Variants in MAP1S observed in about 807,000 individuals in gnomAD.
The protein encoded by MAP1S is microtubule associated protein 1S, also known as microtubule-associated protein 1S.
Under a neutral mutation model 60.9 loss-of-function variants are expected in MAP1S, and 27 were observed. The observed-to-expected ratio is 0.44, with a 90% CI of 0.33 to 0.61. The LOEUF (loss-of-function observed/expected upper bound fraction) is 0.61. MAP1S is among the 20% of genes least tolerant of loss of function. The probability of loss-of-function intolerance (pLI) is 0.03; values close to 1 mark genes in which losing one functional copy is unlikely to be tolerated. For missense variants in MAP1S, 1,608 were observed against 1,486.6 expected (o/e 1.08, Z -1.34); for synonymous variants, 826 against 694.2 (o/e 1.19, Z -2.98).
chr19:17,732,420 C>CT (rs2080500829), intron 5 of MAP1S, among the ~76,000 whole-genome samples: 1 of 152,192 alleles, frequency 6.6e-6, no homozygotes. Context: ...CAGCCGTATC[C>CT]TTTCATTTCA....
At chr19:17,733,970 G>A (rs1481914458) in intron 6 of MAP1S, among the ~76,000 whole-genome samples, 1 of 152,210 alleles carries the variant, frequency 6.6e-6, no homozygotes, top group Non-Finnish European at 1.5e-5. Context: ...TGTGTTCAAG[G>A]AGCAGGGGGA....
At chr19:17,722,790 A>G (rs959633433) in intron 2 of MAP1S, among the ~76,000 whole-genome samples, 2 of 134,170 alleles carry the variant, frequency 1.5e-5, no homozygotes, top group Non-Finnish European at 3.3e-5. Context: ...AGGGAGGGGG[A>G]GAGGGAGGGA....
Position 17,727,145 on chromosome 19 carries a change from A to G in MAP1S, c.1761A>G (p.Arg587=). The G allele has an allele frequency of 1.3e-5, 20 of 1,590,602 alleles. No individual in the cohort carries two copies. Among genetic ancestry groups the G allele is most frequent in the Non-Finnish European group, 1.7e-5 (20 of 1,171,706 alleles). ...GACCCCGCAGCCCGCCCAGCCTCCGATGTGGAGAAGCCAGCCCCCCCAGTG... is the reference window on the plus strand; with the variant it reads ...GACCCCGCAGCCCGCCCAGCCTCCGGTGTGGAGAAGCCAGCCCCCCCAGTG... The part of the protein sequence containing the change: ...ANGPRSPPSL[R]CGEASPPSAA... The change falls in exon 5 of 7, where the codon CGA becomes CGG. Residue 587 remains arginine, a synonymous_variant. Coordinates refer to ENST00000324096, the MANE Select transcript of MAP1S (RefSeq NM_018174.6). The surrounding 1 kb of genome is among the most constrained non-coding windows in gnomAD (Gnocchi z 4.1).
chr19:17,720,597 G>C (rs1222350650), intron 1 of MAP1S: 1 of 1,260,668 alleles, frequency 7.9e-7, no homozygotes, highest in East Asian at 2.6e-5. Context: ...AACAGGTGGG[G>C]GCGGCAGGGG....
At chr19:17,729,273 C>T (rs140262801) in intron 5 of MAP1S, among the ~76,000 whole-genome samples, 2 of 152,274 alleles carry the variant, frequency 1.3e-5, no homozygotes, top group African/African-American at 4.8e-5. Context: ...TTAGACACAG[C>T]ATGCCCAGGT....
chr19:17,724,112 T>C lies in MAP1S; in HGVS notation c.221-14T>C, dbSNP rs1266257645. 1.2e-6 allele frequency: 2 copies of C among 1,611,624 alleles called. No homozygotes were observed. Among genetic ancestry groups the C allele is most frequent in the African/African-American group, 2.7e-5 (2 of 74,872 alleles). ...GGCAGGATTTGACTCCGGGACGGCC[T>C]GATTCCCCCACAGGCCAGCGGAGCC... On this transcript the variant is annotated splice_polypyrimidine_tract_variant and intron_variant, in intron 2 of 6. Transcript: ENST00000324096.
chr19:17,731,918 C>T (rs2080496793), intron 5 of MAP1S, among the ~76,000 whole-genome samples: 1 of 152,254 alleles, frequency 6.6e-6, no homozygotes, highest in Non-Finnish European at 1.5e-5. Context: ...CTGCCTGCCT[C>T]AGCCTCCCAA....
chr19:17,726,070 C>A lies in MAP1S; in HGVS notation c.686C>A (p.Pro229His). The A allele has an allele frequency of 6.2e-7, 1 of 1,613,718 alleles. No individual in the cohort carries two copies. Residue 229 changes from proline (P) to histidine (H), a missense_variant, in exon 5 of 7, where the codon CCC becomes CAC. Physicochemically the swap from Pro to His is moderately conservative, Grantham distance 77 (BLOSUM62 -2). Transcript: ENST00000324096. ...EPPSPFELLE[P>H]PTSGGFLRLG... is the part of the protein sequence containing the mutation. ...CCGTCCCCCTTCGAGCTGCTGGAGC[C>A]CCCGACCTCCGGGGGCTTCCTCAGG...
In MAP1S at chr19:17,725,312, T is replaced by C; in HGVS notation, c.444+123T>C. 4.2e-6 allele frequency: 5 copies of C among 1,201,610 alleles called. No individual in the cohort carries two copies. Among genetic ancestry groups the C allele is most frequent in the Non-Finnish European group, 5.7e-6 (5 of 871,174 alleles). The allele number at this position is 1,201,610 out of a possible 1,614,324, so 74.4% of individuals were successfully genotyped here. A position where few individuals can be genotyped will look rare whatever the true frequency, so the allele number is the denominator to read the frequency against. On this transcript the variant is annotated intron_variant, in intron 4 of 6. Coordinates refer to ENST00000324096, the MANE Select transcript of MAP1S (RefSeq NM_018174.6). The surrounding 1 kb of genome is among the most constrained non-coding windows in gnomAD (Gnocchi z 4.2). The stretch of plus-strand genomic sequence containing the variant: ...CCTGGTCTCCCCATCCTCTGTAGGA[T>C]GGCAGTGGTGACACATGCCTCCTGG...
At chr19:17,719,698 GGGC>G (rs531398234) in intron 1 of MAP1S, 78 bp downstream of exon 1, 57,022 of 552,222 alleles carry the variant, frequency 0.1, 4,714 homozygotes, top group Admixed American at 0.17. Context: ...CGGCGGGGTG[GGGC>G]GGCGGCGGCG....
intron 5 of MAP1S, among the ~76,000 whole-genome samples, chr19:17,730,160 A>G (rs533030284): frequency 6.1e-4 from 93 of 152,200 alleles, no homozygotes; most frequent in African/African-American, 2.1e-3. Context: ...CAGCTGCTTG[A>G]CGCTAGCCAG....
chr19:17,728,357 C>A (rs2080463410), intron 5 of MAP1S, among the ~76,000 whole-genome samples, 185 bp downstream of exon 5: 1 of 152,186 alleles, frequency 6.6e-6, no homozygotes, highest in Non-Finnish European at 1.5e-5. Context: ...TCAAGCCACC[C>A]TCCCACCTCA....
intron 2 of MAP1S, among the ~76,000 whole-genome samples, chr19:17,723,836 CAG>C (rs2080392785): frequency 6.6e-6 from 1 of 152,178 alleles, no homozygotes; most frequent in Admixed American, 6.5e-5. Flanking sequence ...GCCTGGGCGA[CAG>C]AGCGAGACTC....
chr19:17,726,966 G>A lies in MAP1S; in HGVS notation c.1582G>A (p.Asp528Asn). 1 of 1,574,722 alleles carries A rather than the reference G, an allele frequency of 6.4e-7. No individual in the cohort carries two copies. The highest frequency in any genetic ancestry group is 1.3e-5 in the African/African-American group (1 of 74,274). ...CAAGACCCCCCGGGAGTTGAAGAAAGACCCCAAACCGAGTGTCTCCCGGAC... is the reference window on the plus strand; with the variant it reads ...CAAGACCCCCCGGGAGTTGAAGAAAAACCCCAAACCGAGTGTCTCCCGGAC... ...EAKTPRELKK[D>N]PKPSVSRTQP... The change falls in exon 5 of 7, where the codon GAC becomes AAC. Residue 528 changes from aspartate to asparagine, a missense_variant. This residue lies in a region of MAP1S where 1,167 missense variants were observed against 961.4 expected (regional missense o/e 1.21). Coordinates refer to ENST00000324096, the MANE Select transcript of MAP1S (RefSeq NM_018174.6).
rs1387240409 is a variant in MAP1S, at chr19:17,720,419, C to T, written c.119-517C>T. 3.9e-6 allele frequency: 6 copies of T among 1,535,084 alleles called. No individual in the cohort carries two copies. In the Admixed American group the frequency reaches 7.9e-5, roughly 20 times the overall value. On this transcript the variant is annotated intron_variant, in intron 1 of 6. Transcript: ENST00000324096. ...GCCGGGATGATAGACAGGTTCAGCC[C>T]TGCCAACACAGGTCTGGTTTGGGGA...
chr19:17,723,409 G>C (rs563453679), intron 2 of MAP1S, among the ~76,000 whole-genome samples: 1 of 152,016 alleles, frequency 6.6e-6, no homozygotes, highest in Non-Finnish European at 1.5e-5. Flanking sequence ...TTAATGGGGC[G>C]TGGTGGCGTG....
At chr19:17,733,115 G>A in intron 5 of MAP1S, 78 bp from the exon 6 acceptor site, 1 of 946,428 alleles carries the variant, frequency 1.1e-6, no homozygotes, top group South Asian at 1.6e-5. Context: ...GCTCTGAGTG[G>A]TGCAGGTCGA....
At chr19:17,724,031 A>G (rs1295103607) in intron 2 of MAP1S, 95 bp from the exon 3 acceptor site, 3 of 897,252 alleles carry the variant, frequency 3.3e-6, no homozygotes, top group East Asian at 2.5e-5. Context: ...TAATCTCCAT[A>G]TGATCCCTGG....
rs766329253 is a variant in MAP1S at position 17,727,083 on chromosome 19, A to C, written c.1699A>C (p.Ser567Arg). 3 of 1,605,162 alleles carry C rather than the reference A, an allele frequency of 1.9e-6. No homozygotes were observed. The South Asian group carries it at 3.3e-5, about 18-fold the overall frequency. ...GGCACCCAAGCCCCGCAAAGCGCCC[A>C]GCACGTCCCACTCTGGCTTCCCGCC... The part of the protein sequence containing the change: ...QAAPKPRKAP[S>R]TSHSGFPPVA... The change falls in exon 5 of 7, where the codon AGC becomes CGC. Residue 567 changes from serine to arginine, a missense_variant. Around this residue, in one of 4 missense-constraint regions of MAP1S, gnomAD observed 1,167 missense variants for 961.4 expected, o/e 1.21. Coordinates refer to ENST00000324096, the MANE Select transcript of MAP1S (RefSeq NM_018174.6). The surrounding 1 kb of genome is among the most constrained non-coding windows in gnomAD (Gnocchi z 4.1).
Sources: allele counts gnomAD v4.1 joint callset (sites outside exome capture counted in the v4.1 genomes callset), GRCh38; gene constraint gnomAD v4.1.1; regional missense constraint gnomAD v4.1.1; non-coding constraint Gnocchi (gnomAD v3.1); transcripts MANE v1.5; gene names NCBI Gene and HGNC (gene_info 2026-07-23, HGNC 2026-07-21).